The following VIT variants were observed in gnomAD, a reference collection of about 807,000 sequenced individuals.
The protein encoded by VIT is vitrin.
VIT carries 99 observed loss-of-function variants against 78.0 expected under a neutral mutation model. The ratio of observed to expected loss-of-function variants is 1.27; its 90% confidence interval spans 1.08 to 1.50. The LOEUF (loss-of-function observed/expected upper bound fraction) is 1.50, where lower values mean the gene tolerates loss of function less well. Among genes scored for constraint, VIT ranks in the 40% most tolerant of loss-of-function variants. The pLI is 0.00. For synonymous variants in VIT, 374 were observed against 334.3 expected (o/e 1.12, Z -1.29); for missense variants, 1,126 against 875.3 (o/e 1.29, Z -3.61).
intron 6 of VIT, chr2:36,759,296 A>G: frequency 6.9e-7 from 1 of 1,452,550 alleles, no homozygotes; most frequent in Non-Finnish European, 9.0e-7. Context: ...ATTTTCATTC[A>G]GATTGACTGT....
In VIT at chr2:36,752,881, C is replaced by A. The variant is rs192224695; in HGVS notation, c.276-2040C>A. ...GGTACATACCCAAAGGAATACAAAT[C>A]ATTCTATTATAAAGATACATGCATA... On this transcript the variant is annotated intron_variant, in intron 4 of 15. Transcript: ENST00000379242. Among the ~76,000 whole-genome samples, 9 of 152,312 alleles carry A rather than the reference C, an allele frequency of 5.9e-5. No homozygotes were observed. In the East Asian group the frequency reaches 1.7e-3, roughly 29 times the overall value.
intron 9 of VIT, among the ~76,000 whole-genome samples, chr2:36,777,810 T>C (rs756763214): frequency 1.8e-4 from 28 of 152,226 alleles, no homozygotes; most frequent in Non-Finnish European, 3.7e-4. Flanking sequence ...CCTTGTAATC[T>C]TTGTGTCATC....
In VIT at chr2:36,720,706, G is replaced by C. The variant is rs112280716; in HGVS notation, c.52+4284G>C. Reference sequence around the variant, plus strand: ...GAGCCAGGGAAATAGGGAGATGCTGGTCAAAGAGTACAGACTTTCAGGCCA... The same window carrying C: ...GAGCCAGGGAAATAGGGAGATGCTGCTCAAAGAGTACAGACTTTCAGGCCA... On this transcript the variant is annotated intron_variant, in intron 2 of 15. Coordinates refer to ENST00000379242, the MANE Select transcript of VIT (RefSeq NM_053276.4). Among the ~76,000 whole-genome samples, 1,506 of 152,264 alleles carry C rather than the reference G, an allele frequency of 9.9e-3. 29 individuals carry two copies. Among genetic ancestry groups the C allele is most frequent in the African/African-American group, 0.034 (1,419 of 41,542 alleles).
At chr2:36,802,711 C>T (rs553883124) in intron 13 of VIT, among the ~76,000 whole-genome samples, 8 of 152,306 alleles carry the variant, frequency 5.3e-5, no homozygotes, top group Admixed American at 1.3e-4. Flanking sequence ...CGTTCCTTGA[C>T]GAGGTTAGCG....
chr2:36,765,414 C>T (rs934397735), intron 6 of VIT, among the ~76,000 whole-genome samples: 5 of 6,448 alleles, frequency 7.8e-4, no homozygotes, highest in Admixed American at 2.6e-3. Flanking sequence ...TGGCAGCAGG[C>T]GAGAGAGAGA....
chr2:36,800,331 T>C (rs904404278), intron 12 of VIT, among the ~76,000 whole-genome samples: 1 of 151,766 alleles, frequency 6.6e-6, no homozygotes, highest in African/African-American at 2.4e-5. Flanking sequence ...GGTGACAGAG[T>C]GAGACTCCGT....
chr2:36,810,392 G>A (rs1439055001), intron 15 of VIT, among the ~76,000 whole-genome samples: 1 of 152,194 alleles, frequency 6.6e-6, no homozygotes, highest in East Asian at 1.9e-4. Context: ...GTCTGTAAAT[G>A]TTTAGAAAAT....
At chr2:36,776,387 T>C (rs1342772209) in intron 9 of VIT, among the ~76,000 whole-genome samples, 2 of 152,208 alleles carry the variant, frequency 1.3e-5, no homozygotes, top group African/African-American at 2.4e-5. Context: ...TCTATTATGA[T>C]AGACATTGGA....
At chr2:36,777,588 C>T (rs899684391) in intron 9 of VIT, among the ~76,000 whole-genome samples, 1 of 152,184 alleles carries the variant, frequency 6.6e-6, no homozygotes, top group Non-Finnish European at 1.5e-5. Context: ...TGTCTCACCA[C>T]TGGCTCATCT....
In VIT at chr2:36,814,660, C is replaced by G. The variant is rs1467139976; in HGVS notation, c.*299C>G. The G allele has an allele frequency of 1.0e-5, 3 of 295,718 alleles. No individual in the cohort carries two copies. The East Asian group carries it at 1.9e-4, about 19-fold the overall frequency. The allele number at this position is 295,718 out of a possible 1,614,324, so 18.3% of individuals were successfully genotyped here. ...TCGGAATACAGTGCAGCCCTTACGA[C>G]AGGCTTACGTAGAGCTTTTGTGAGA... On this transcript the variant is annotated 3_prime_UTR_variant, in exon 16 of 16. Coordinates refer to ENST00000379242, the MANE Select transcript of VIT (RefSeq NM_053276.4).
Position 36,729,419 on chromosome 2 carries a change from C to T in VIT, c.53-7C>T, listed in dbSNP as rs770204160. On this transcript the variant is annotated splice_region_variant and splice_polypyrimidine_tract_variant and intron_variant, in intron 2 of 15. Coordinates refer to ENST00000379242, the MANE Select transcript of VIT (RefSeq NM_053276.4). The stretch of plus-strand genomic sequence containing the variant: ...TGATTAAATTTTTAAAAATTTTCTT[C>T]ATGTAGTTTTGCTGGTGACTGGAGT... 4 of 1,590,756 alleles carry T rather than the reference C, an allele frequency of 2.5e-6. No homozygotes were observed. The South Asian group carries it at 4.7e-5, about 19-fold the overall frequency.
chr2:36,783,390 C>T lies in VIT; in HGVS notation c.898C>T (p.Leu300=), dbSNP rs770801708. ...CACACAGTCTTTGGAGCCAGTATCC[C>T]TGGGAGATCCAAGTAAGTTAATTGA... ...LSTQSLEPVS[L]GDPNCKIDLS... Residue 300 remains leucine, a synonymous_variant, in exon 11 of 16, where the codon CTG becomes TTG. Transcript: ENST00000379242. The T allele has an allele frequency of 1.9e-6, 3 of 1,614,116 alleles. No homozygotes were observed. Among genetic ancestry groups the T allele is most frequent in the South Asian group, 2.2e-5 (2 of 91,076 alleles).
intron 4 of VIT, among the ~76,000 whole-genome samples, chr2:36,745,815 G>A (rs1432877414): frequency 6.6e-6 from 1 of 152,090 alleles, no homozygotes; most frequent in Non-Finnish European, 1.5e-5. Flanking sequence ...TTGCCTGGTT[G>A]CTTTGGCTAG....
intron 2 of VIT, among the ~76,000 whole-genome samples, chr2:36,717,365 TG>T (rs1666225002): frequency 6.9e-6 from 1 of 144,672 alleles, no homozygotes. Context: ...TGTGTGTGTG[TG>T]TGTGTGTGTG....
At position 36,749,659 on chromosome 2, in the gene VIT, C is replaced by A. The variant is rs556097932; in HGVS notation, c.276-5262C>A. On this transcript the variant is annotated intron_variant, in intron 4 of 15. Transcript: ENST00000379242. ...AAGTATCATAGTGGGGACTCAAACC[C>A]AAGTCCAGCTGACTGCAGCACCTGT... Among the ~76,000 whole-genome samples, 6 of 152,268 alleles carry A rather than the reference C, an allele frequency of 3.9e-5. No homozygotes were observed. The East Asian group carries it at 1.2e-3, about 29-fold the overall frequency.
chr2:36,742,035 A>C (rs7609206), intron 3 of VIT, among the ~76,000 whole-genome samples: 1,741 of 152,282 alleles, frequency 0.011, 42 homozygotes, highest in African/African-American at 0.04. Flanking sequence ...GGTAATTTCC[A>C]GACCATTCCC....
chr2:36,712,527 A>G (rs1573124322), intron 1 of VIT, among the ~76,000 whole-genome samples: 1 of 151,876 alleles, frequency 6.6e-6, no homozygotes. Context: ...TTCACATACC[A>G]TAAAATATGC....
At chr2:36,793,256 C>T (rs868634698) in intron 12 of VIT, among the ~76,000 whole-genome samples, 12 of 152,176 alleles carry the variant, frequency 7.9e-5, no homozygotes, top group African/African-American at 2.9e-4. Flanking sequence ...GCTCAATTTT[C>T]TACCCTTTTT....
At chr2:36,701,081 T>G (rs1325630226) in intron 1 of VIT, among the ~76,000 whole-genome samples, 1 of 143,414 alleles carries the variant, frequency 7.0e-6, no homozygotes, top group Non-Finnish European at 1.5e-5. Context: ...GAAAACATAA[T>G]TATCAAGCCA....
Sources: gnomAD v4.1 joint callset for allele counts (sites outside exome capture counted in the v4.1 genomes callset) on GRCh38, gnomAD v4.1.1 for gene constraint, MANE v1.5 for transcripts, NCBI Gene and HGNC (gene_info 2026-07-23, HGNC 2026-07-21) for gene names.